Variants in DPYD observed in about 807,000 individuals in gnomAD.
The protein encoded by DPYD is dihydropyrimidine dehydrogenase [NADP(+)].
A neutral mutation model predicts 116.2 loss-of-function variants in DPYD; 109 were observed. The ratio of observed to expected loss-of-function variants is 0.94; its 90% CI spans 0.80 to 1.10. DPYD has a LOEUF of 1.10. Ranked by LOEUF, DPYD falls within the 50% of genes least tolerant of loss-of-function variation. The pLI is 0.00. For synonymous variants in DPYD, 440 were observed against 432.0 expected, an observed-to-expected ratio of 1.02 and a Z score of -0.23; for missense variants, 1,302 against 1,254.5, an observed-to-expected ratio of 1.04 and a Z score of -0.57.
chr1:97,735,163 A>G (rs6683957), intron 4 of DPYD, among the ~76,000 whole-genome samples: 129,965 of 152,054 alleles, frequency 0.85, 56,091 homozygotes, highest in East Asian at 0.98. Context: ...AATCCCTTGT[A>G]AAGAAACATG....
chr1:97,179,275 C>T (rs1214760296), intron 20 of DPYD, among the ~76,000 whole-genome samples: 4 of 152,028 alleles, frequency 2.6e-5, no homozygotes, highest in Non-Finnish European at 5.9e-5. Context: ...ACCACAAATG[C>T]TATGTGTTTG....
At chr1:97,705,416 A>G (rs1029526325) in intron 5 of DPYD, among the ~76,000 whole-genome samples, 2 of 151,994 alleles carry the variant, frequency 1.3e-5, no homozygotes, top group Non-Finnish European at 2.9e-5. Flanking sequence ...AGTTTGCTGA[A>G]AATGATGGTT....
intron 1 of DPYD, among the ~76,000 whole-genome samples, chr1:97,913,304 T>C (rs976858078): frequency 2.6e-5 from 4 of 152,184 alleles, no homozygotes; most frequent in African/African-American, 7.2e-5. Context: ...TCCTACCAAG[T>C]ATGTAAATCG....
chr1:97,638,227 T>A (rs1165183365), intron 8 of DPYD, among the ~76,000 whole-genome samples: 1 of 152,062 alleles, frequency 6.6e-6, no homozygotes, highest in Admixed American at 6.6e-5. Flanking sequence ...ACCCTCACTG[T>A]CAGCTCAGCA....
At chr1:97,122,136 T>G (rs896585574) in intron 20 of DPYD, among the ~76,000 whole-genome samples, 1 of 152,148 alleles carries the variant, frequency 6.6e-6, no homozygotes, top group African/African-American at 2.4e-5. Context: ...GGAGTAGCAA[T>G]TAGCCTCATG....
intron 1 of DPYD, among the ~76,000 whole-genome samples, chr1:97,919,269 A>C (rs1050871515): frequency 1.3e-5 from 2 of 152,228 alleles, no homozygotes; most frequent in Non-Finnish European, 2.9e-5. Flanking sequence ...GATTAAAAGT[A>C]ATATTAGGCA....
chr1:97,826,032 C>G (rs72734061), intron 3 of DPYD, among the ~76,000 whole-genome samples: 8 of 151,292 alleles, frequency 5.3e-5, no homozygotes, highest in South Asian at 2.1e-4. Flanking sequence ...TAATGTGTGT[C>G]TGTGTGTGTG....
intron 19 of DPYD, among the ~76,000 whole-genome samples, chr1:97,212,905 C>T (rs1233318806): frequency 2.0e-5 from 3 of 152,252 alleles, no homozygotes; most frequent in Admixed American, 2.0e-4. Flanking sequence ...CTGTCTTAGC[C>T]TGTTTGAACA....
intron 22 of DPYD, 111 bp from the exon 23 acceptor site, chr1:97,079,257 C>T: frequency 9.1e-7 from 1 of 1,094,722 alleles, no homozygotes; most frequent in Non-Finnish European, 1.4e-6. Context: ...TATGAGACAA[C>T]TACGTCCAGC....
intron 7 of DPYD, among the ~76,000 whole-genome samples, chr1:97,681,535 C>G (rs187499265): frequency 6.0e-4 from 92 of 152,078 alleles, no homozygotes; most frequent in African/African-American, 2.1e-3. Flanking sequence ...ATATTCAGAA[C>G]TCTGGAATGT....
chr1:97,081,682 TTTTC>T (rs1430554322), intron 22 of DPYD, among the ~76,000 whole-genome samples: 2 of 150,960 alleles, frequency 1.3e-5, no homozygotes, highest in African/African-American at 2.4e-5. Flanking sequence ...AATCCCCAAT[TTTTC>T]TTTCTTTTTC....
intron 16 of DPYD, among the ~76,000 whole-genome samples, chr1:97,352,192 A>T (rs1284754002): frequency 6.6e-6 from 1 of 152,196 alleles, no homozygotes; most frequent in Non-Finnish European, 1.5e-5. Flanking sequence ...AAAGTGGAGG[A>T]GGTCAGACAA....
chr1:97,158,194 T>C (rs1296512449), intron 20 of DPYD, among the ~76,000 whole-genome samples: 1 of 152,068 alleles, frequency 6.6e-6, no homozygotes, highest in African/African-American at 2.4e-5. Context: ...GGGCTTTTTG[T>C]GCTTCTACAA....
chr1:97,531,371 A>T (rs563449064), intron 12 of DPYD, among the ~76,000 whole-genome samples: 2 of 152,308 alleles, frequency 1.3e-5, no homozygotes, highest in African/African-American at 4.8e-5. Context: ...TTTATTGAAG[A>T]GACAATCCTT....
chr1:97,900,647 C>T (rs78160265), intron 1 of DPYD, among the ~76,000 whole-genome samples: 12,795 of 151,938 alleles, frequency 0.084, 653 homozygotes, highest in Admixed American at 0.14. Flanking sequence ...TTTTCATCTC[C>T]ATTCATTGAC....
chr1:97,892,413 T>C (rs1226912670), intron 1 of DPYD, among the ~76,000 whole-genome samples: 1 of 151,838 alleles, frequency 6.6e-6, no homozygotes, highest in Non-Finnish European at 1.5e-5. Context: ...AGTGATTTAA[T>C]TAATATCTCA....
At chr1:97,423,623 A>G (rs1162479191) in intron 14 of DPYD, among the ~76,000 whole-genome samples, 2 of 152,096 alleles carry the variant, frequency 1.3e-5, no homozygotes, top group Non-Finnish European at 2.9e-5. Context: ...CAGATTGAAT[A>G]GGTCCATTTT....
At chr1:97,574,874 G>T (rs1056554535) in intron 10 of DPYD, among the ~76,000 whole-genome samples, 1 of 151,990 alleles carries the variant, frequency 6.6e-6, no homozygotes, top group Non-Finnish European at 1.5e-5. Context: ...TTCTCAATAG[G>T]CTCCCTGGGT....
At chr1:97,475,383 T>G (rs1042564892) in intron 13 of DPYD, among the ~76,000 whole-genome samples, 1 of 152,084 alleles carries the variant, frequency 6.6e-6, no homozygotes, top group Non-Finnish European at 1.5e-5. Flanking sequence ...TTGGAAAACT[T>G]TTAAGTATAA....
Sources: allele counts gnomAD v4.1 joint callset (sites outside exome capture counted in the v4.1 genomes callset), GRCh38; gene constraint gnomAD v4.1.1; transcripts MANE v1.5; gene names NCBI Gene and HGNC (gene_info 2026-07-23, HGNC 2026-07-21).